The following RNASE10 variants were observed in gnomAD, a reference collection of about 807,000 sequenced individuals.
RNASE10 encodes the protein inactive ribonuclease-like protein 10.
A neutral mutation model predicts 1.1 loss-of-function variants in RNASE10; 2 were observed. The observed-to-expected ratio is 1.82, with a 90% CI of 0.74 to 5.73. The LOEUF is 5.73. Among genes scored for constraint, RNASE10 ranks in the 30% most tolerant of loss-of-function variants. RNASE10 has a pLI of 0.05. For synonymous variants in RNASE10, 97 were observed against 96.2 expected (o/e 1.01, Z -0.05); for missense variants, 276 against 263.4 (o/e 1.05, Z -0.33).
chr14:20,506,309 G>A (rs1882714375), intron 1 of RNASE10, among the ~76,000 whole-genome samples: 1 of 99,576 alleles, frequency 1.0e-5, no homozygotes, highest in Non-Finnish European at 2.1e-5. Flanking sequence ...CCGGGAGGGA[G>A]GTGGGGGGGG....
downstream of RNASE10, among the ~76,000 whole-genome samples, chr14:20,512,225 G>A (rs189364975): frequency 7.9e-5 from 12 of 152,324 alleles, no homozygotes; most frequent in East Asian, 2.3e-3. Flanking sequence ...AAGAAAGTTA[G>A]TGAAAGAATA....
At chr14:20,506,932 A>G (rs1261383172) in intron 1 of RNASE10, among the ~76,000 whole-genome samples, 1 of 117,130 alleles carries the variant, frequency 8.5e-6, no homozygotes, top group Non-Finnish European at 1.7e-5. Context: ...CCCGTCCGGG[A>G]GGGGGGAGGG....
downstream of RNASE10, among the ~76,000 whole-genome samples, chr14:20,512,196 C>T (rs546276268): frequency 6.6e-6 from 1 of 152,266 alleles, no homozygotes; most frequent in South Asian, 2.1e-4. Context: ...ATCGTTTCCG[C>T]TTTATTGCTC....
At chr14:20,507,617 A>C (rs534649738) in intron 1 of RNASE10, among the ~76,000 whole-genome samples, 2 of 124,496 alleles carry the variant, frequency 1.6e-5, no homozygotes, top group South Asian at 5.3e-4. Context: ...CAATTAAAAA[A>C]ATAAATAAAT....
downstream of RNASE10, among the ~76,000 whole-genome samples, chr14:20,513,744 A>G (rs1882950171): frequency 6.6e-6 from 1 of 152,242 alleles, no homozygotes; most frequent in South Asian, 2.1e-4. Flanking sequence ...ACATACACAC[A>G]TTAACATACA....
chr14:20,506,478 G>A (rs1193920313), intron 1 of RNASE10, among the ~76,000 whole-genome samples: 17 of 127,528 alleles, frequency 1.3e-4, no homozygotes, highest in South Asian at 2.6e-4. Context: ...CGCCCCGTCC[G>A]GGAGGGAGGT....
intron 1 of RNASE10, among the ~76,000 whole-genome samples, chr14:20,506,761 G>GT (rs1278378730): frequency 0.034 from 1,687 of 49,356 alleles, 1 homozygote; most frequent in Admixed American, 0.039. Flanking sequence ...CGGGAGGGAG[G>GT]TGGGGGGGGT....
At chr14:20,506,851 G>A (rs1273842279) in intron 1 of RNASE10, among the ~76,000 whole-genome samples, 302 of 67,648 alleles carry the variant, frequency 4.5e-3, no homozygotes, top group African/African-American at 0.018. Context: ...CGCCCCGTCC[G>A]GGAGGTGAGG....
chr14:20,507,105 G>A (rs1418224956), intron 1 of RNASE10, among the ~76,000 whole-genome samples: 3 of 149,908 alleles, frequency 2.0e-5, no homozygotes, highest in East Asian at 1.9e-4. Flanking sequence ...GACCCCGTCT[G>A]GGAGGTGTGC....
exon 2 of RNASE10, chr14:20,510,977 G>A (rs145816518): frequency 6.2e-7 from 1 of 1,602,700 alleles, no homozygotes; most frequent in Admixed American, 1.7e-5. Flanking sequence ...TGTCACAAAA[G>A]CTCCCGACCT....
At chr14:20,507,026 C>T (rs1335501879) in intron 1 of RNASE10, among the ~76,000 whole-genome samples, 7 of 151,146 alleles carry the variant, frequency 4.6e-5, no homozygotes, top group Admixed American at 2.0e-4. Context: ...GCCGCCCTGT[C>T]CGGGAGGTGA....
downstream of RNASE10, chr14:20,511,218 G>A (rs1882893460): frequency 1.9e-6 from 2 of 1,035,818 alleles, no homozygotes; most frequent in African/African-American, 1.6e-5. Context: ...TAGGTATCAT[G>A]CAGATGGAAT....
chr14:20,513,048 G>T (rs924406870), downstream of RNASE10, among the ~76,000 whole-genome samples: 1 of 152,130 alleles, frequency 6.6e-6, no homozygotes, highest in African/African-American at 2.4e-5. Flanking sequence ...GAATTAGCCA[G>T]GGATTAAAGC....
At chr14:20,506,882 C>A (rs1228948628) in intron 1 of RNASE10, among the ~76,000 whole-genome samples, 1 of 132,484 alleles carries the variant, frequency 7.5e-6, no homozygotes, top group Non-Finnish European at 1.6e-5. Flanking sequence ...CCCGGCCGCC[C>A]CTACTGGGAA....
chr14:20,512,106 A>G (rs939638452), downstream of RNASE10, among the ~76,000 whole-genome samples: 3 of 152,222 alleles, frequency 2.0e-5, no homozygotes, highest in African/African-American at 7.2e-5. Flanking sequence ...AATTATGTCC[A>G]GAAGCAGAAT....
chr14:20,512,946 C>G (rs1035285804), downstream of RNASE10, among the ~76,000 whole-genome samples: 1 of 152,096 alleles, frequency 6.6e-6, no homozygotes, highest in Non-Finnish European at 1.5e-5. Flanking sequence ...AGAAAATCGG[C>G]CACGTTAGCA....
chr14:20,513,207 T>G (rs991581643), downstream of RNASE10, among the ~76,000 whole-genome samples: 4 of 140,144 alleles, frequency 2.9e-5, no homozygotes, highest in African/African-American at 1.3e-4. Flanking sequence ...GTTTTTCTTT[T>G]GTTTTGTTTT....
At chr14:20,504,667 GAC>G (rs1430443295), upstream of RNASE10, among the ~76,000 whole-genome samples, 2 of 127,192 alleles carry the variant, frequency 1.6e-5, no homozygotes, top group Admixed American at 8.9e-5. Context: ...CAGCCTGGGC[GAC>G]AGAGAGAGAC....
intron 1 of RNASE10, among the ~76,000 whole-genome samples, chr14:20,508,784 A>G (rs759159043): frequency 2.0e-5 from 3 of 152,140 alleles, no homozygotes; most frequent in Admixed American, 6.5e-5. Context: ...TGTTGTTAAT[A>G]TATATTACTA....
Sources: allele counts gnomAD v4.1 joint callset (sites outside exome capture counted in the v4.1 genomes callset), GRCh38; gene constraint gnomAD v4.1.1; transcripts MANE v1.5; gene names NCBI Gene and HGNC (gene_info 2026-07-23, HGNC 2026-07-21).